PDSS2: variants seen among roughly 807,000 people sequenced by gnomAD.
PDSS2 encodes all trans-polyprenyl-diphosphate synthase PDSS2.
PDSS2 carries 31 observed loss-of-function variants against 44.5 expected under a neutral mutation model. The observed-to-expected ratio is 0.70, with a 90% CI of 0.52 to 0.94. The LOEUF is 0.94. Ranked by LOEUF, PDSS2 falls within the 40% of genes least tolerant of loss-of-function variation. PDSS2 has a pLI of 0.00. For missense variants in PDSS2, 452 were observed against 482.2 expected (o/e 0.94, Z 0.59); for synonymous variants, 157 against 180.3 (o/e 0.87, Z 1.03).
chr6:107,327,326 GA>G (rs1225598464), intron 2 of PDSS2, among the ~76,000 whole-genome samples: 1 of 152,184 alleles, frequency 6.6e-6, no homozygotes, highest in Non-Finnish European at 1.5e-5. Context: ...ACAAACTCAG[GA>G]GAGTCTAAAA....
Position 107,415,307 on chromosome 6 carries a change from AC to A in PDSS2, c.296+43682del, listed in dbSNP as rs567264478. 5.9e-5 allele frequency among the ~76,000 whole-genome samples: 9 copies of A among 152,256 alleles called. No homozygotes were observed. In the East Asian group the frequency reaches 1.7e-3, roughly 29 times the overall value. Reference sequence around the variant, plus strand: ...ACCTCCCATTTTAACACAATTTGGAACAAAAAAAATTTTTTTTTGTTAATCA... The same window carrying A: ...ACCTCCCATTTTAACACAATTTGGAAAAAAAAAATTTTTTTTTGTTAATCA... On this transcript the variant is annotated intron_variant, in intron 1 of 7. Transcript: ENST00000369037.
At chr6:107,225,348 T>C (rs1648896295) in intron 4 of PDSS2, among the ~76,000 whole-genome samples, 1 of 150,922 alleles carries the variant, frequency 6.6e-6, no homozygotes, top group Admixed American at 6.6e-5. Flanking sequence ...AATTTTTGTA[T>C]CACTGTATTG....
At chr6:107,348,588 C>A (rs1302361633) in intron 1 of PDSS2, among the ~76,000 whole-genome samples, 1 of 151,986 alleles carries the variant, frequency 6.6e-6, no homozygotes, top group African/African-American at 2.4e-5. Context: ...AGTTTTAAAC[C>A]CAAATAAAAA....
At chr6:107,393,084 A>C (rs1373783629) in intron 1 of PDSS2, among the ~76,000 whole-genome samples, 1 of 151,972 alleles carries the variant, frequency 6.6e-6, no homozygotes, top group East Asian at 1.9e-4. Context: ...CTTCCTTTAC[A>C]TTAGGTTTAA....
At chr6:107,311,390 A>G (rs1777042179) in intron 2 of PDSS2, among the ~76,000 whole-genome samples, 1 of 151,332 alleles carries the variant, frequency 6.6e-6, no homozygotes, top group South Asian at 2.1e-4. Context: ...ATTTTTTTGT[A>G]CAGATGGGGG....
intron 1 of PDSS2, among the ~76,000 whole-genome samples, chr6:107,457,053 C>T (rs1426702390): frequency 6.6e-6 from 1 of 152,084 alleles, no homozygotes; most frequent in Non-Finnish European, 1.5e-5. Context: ...AACTAACATT[C>T]CAGCTAATCA....
At chr6:107,253,931 G>C (rs1774912670) in intron 3 of PDSS2, among the ~76,000 whole-genome samples, 1 of 152,136 alleles carries the variant, frequency 6.6e-6, no homozygotes, top group East Asian at 1.9e-4. Context: ...GTGAGGCCAA[G>C]GTGGGAGGAT....
intron 4 of PDSS2, among the ~76,000 whole-genome samples, chr6:107,225,135 TTTTATATA>T (rs1269412633): frequency 3.0e-4 from 11 of 36,492 alleles, no homozygotes; most frequent in African/African-American, 9.2e-4. Context: ...ATATATATAT[TTTTATATA>T]TATATATATA....
intron 1 of PDSS2, among the ~76,000 whole-genome samples, chr6:107,411,376 G>GA (rs1157389177): frequency 7.2e-5 from 11 of 152,268 alleles, no homozygotes; most frequent in Admixed American, 7.2e-4. Context: ...TATGAAAACT[G>GA]GACAACCAAA....
intron 4 of PDSS2, among the ~76,000 whole-genome samples, chr6:107,230,423 G>A (rs111717912): frequency 1.1e-3 from 163 of 152,114 alleles, no homozygotes; most frequent in African/African-American, 3.5e-3. Context: ...CTAATCTCAC[G>A]CTTGGCCTAG....
chr6:107,359,642 G>GA (rs1778705758), intron 1 of PDSS2, among the ~76,000 whole-genome samples: 1 of 148,746 alleles, frequency 6.7e-6, no homozygotes, highest in Non-Finnish European at 1.5e-5. Flanking sequence ...AAAAAAAAAG[G>GA]GAGAGAGAGA....
At chr6:107,442,132 C>A (rs1278360029) in intron 1 of PDSS2, among the ~76,000 whole-genome samples, 1 of 152,034 alleles carries the variant, frequency 6.6e-6, no homozygotes, top group African/African-American at 2.4e-5. Flanking sequence ...AAATCAATTT[C>A]TTGGCTAGGC....
chr6:107,275,917 C>T (rs1775763911), intron 2 of PDSS2, among the ~76,000 whole-genome samples: 1 of 151,914 alleles, frequency 6.6e-6, no homozygotes, highest in Non-Finnish European at 1.5e-5. Flanking sequence ...AGTTCAACAT[C>T]AGTTCAGGCA....
chr6:107,205,866 C>T (rs563154834), intron 6 of PDSS2, among the ~76,000 whole-genome samples: 49 of 152,232 alleles, frequency 3.2e-4, no homozygotes, highest in East Asian at 2.3e-3. Flanking sequence ...TGGTGCTGAA[C>T]GGGTATCGAG....
intron 1 of PDSS2, among the ~76,000 whole-genome samples, chr6:107,345,172 C>T (rs1435485381): frequency 2.6e-5 from 4 of 151,794 alleles, no homozygotes; most frequent in African/African-American, 7.3e-5. Flanking sequence ...CTACCACAGC[C>T]CGTCTGTGCA....
chr6:107,241,077 C>T (rs758416784), intron 4 of PDSS2, among the ~76,000 whole-genome samples: 9 of 151,602 alleles, frequency 5.9e-5, no homozygotes, highest in Admixed American at 4.6e-4. Context: ...GGCAAAACCT[C>T]GTCTCTACTG....
chr6:107,154,696 C>T lies in PDSS2; in HGVS notation c.1123G>A (p.Ala375Thr), dbSNP rs782488737. Residue 375 changes from alanine (A) to threonine (T), a missense_variant, in exon 8 of 8, where the codon GCC (alanine) becomes ACC (threonine). By Grantham distance (58) the Ala-to-Thr change is moderately conservative (BLOSUM62 0). Coordinates refer to ENST00000369037, the MANE Select transcript of PDSS2 (RefSeq NM_020381.4). ...CRYHGNKALE[A>T]LESFPPSEAR... Reference sequence around the variant, plus strand: ...TCCGAGGGAGGAAAGCTCTCCAGGGCCTCCAGTGCCTTGTTTCCATGGTAA... The same window carrying T: ...TCCGAGGGAGGAAAGCTCTCCAGGGTCTCCAGTGCCTTGTTTCCATGGTAA... The T allele has an allele frequency of 2.9e-5, 46 of 1,613,942 alleles. No individual in the cohort carries two copies. The highest frequency in any genetic ancestry group is 3.9e-5 in the Non-Finnish European group (46 of 1,179,912).
At chr6:107,407,986 A>G (rs1161973989) in intron 1 of PDSS2, among the ~76,000 whole-genome samples, 1 of 152,050 alleles carries the variant, frequency 6.6e-6, no homozygotes, top group Non-Finnish European at 1.5e-5. Context: ...AGTGTGAGCC[A>G]CCACACCCGG....
intron 1 of PDSS2, among the ~76,000 whole-genome samples, chr6:107,378,221 C>T (rs1779348785): frequency 1.3e-5 from 2 of 149,162 alleles, no homozygotes; most frequent in South Asian, 4.3e-4. Context: ...AAGGTAGAAA[C>T]ATCCACTCAC....
Sources: allele counts gnomAD v4.1 joint callset (sites outside exome capture counted in the v4.1 genomes callset), GRCh38; gene constraint gnomAD v4.1.1; transcripts MANE v1.5; gene names NCBI Gene and HGNC (gene_info 2026-07-23, HGNC 2026-07-21).